Variants in EPM2A observed in about 807,000 individuals in gnomAD.
EPM2A encodes laforin.
A neutral mutation model predicts 26.5 loss-of-function variants in EPM2A; 21 were observed. The ratio of observed to expected loss-of-function variants is 0.79; its 90% CI spans 0.56 to 1.14. The LOEUF (loss-of-function observed/expected upper bound fraction) is 1.14. EPM2A is among the 50% of genes most tolerant of loss of function. The pLI is 0.00. For synonymous variants in EPM2A, 217 were observed against 177.6 expected (o/e 1.22, Z -1.76); for missense variants, 458 against 440.8 (o/e 1.04, Z -0.35).
At chr6:145,440,017 T>C (rs767623896) in intron 4 of EPM2A, among the ~76,000 whole-genome samples, 18 of 152,244 alleles carry the variant, frequency 1.2e-4, no homozygotes, top group Non-Finnish European at 1.8e-4. Context: ...GGGTCCAGTT[T>C]CAGTCTTCTG....
At chr6:145,629,359 G>A (rs1363433315) in intron 3 of EPM2A, 3 of 152,156 alleles carry the variant, frequency 2.0e-5, no homozygotes, top group East Asian at 1.9e-4. Flanking sequence ...CTGATTCCAC[G>A]GCACCGTGAG....
intron 4 of EPM2A, among the ~76,000 whole-genome samples, chr6:145,399,845 T>C (rs550959636): frequency 1.3e-5 from 2 of 152,348 alleles, no homozygotes; most frequent in African/African-American, 4.8e-5. Flanking sequence ...ATAATCTTTT[T>C]GGCTATCTCC....
At chr6:145,511,174 T>C (rs1345234452) in intron 2 of EPM2A, among the ~76,000 whole-genome samples, 1 of 149,212 alleles carries the variant, frequency 6.7e-6, no homozygotes, top group African/African-American at 2.5e-5. Context: ...CACAGCTAAA[T>C]TCCACCAGAT....
At chr6:145,593,910 T>A (rs1781306974) in intron 2 of EPM2A, among the ~76,000 whole-genome samples, 1 of 151,364 alleles carries the variant, frequency 6.6e-6, no homozygotes, top group Non-Finnish European at 1.5e-5. Context: ...ATGGAAATAA[T>A]ACAAACTAAA....
intron 1 of EPM2A, among the ~76,000 whole-genome samples, chr6:145,702,725 T>C (rs563604223): frequency 1.3e-5 from 2 of 152,306 alleles, no homozygotes; most frequent in Admixed American, 6.5e-5. Flanking sequence ...TGTTCAGACC[T>C]ATATGTATCA....
chr6:145,726,568 A>C (rs985781951), intron 1 of EPM2A, among the ~76,000 whole-genome samples: 8 of 152,152 alleles, frequency 5.3e-5, no homozygotes, highest in Admixed American at 3.3e-4. Flanking sequence ...CACAAACGGT[A>C]GTAAGTCATG....
At chr6:145,549,343 A>G (rs1417644412) in intron 2 of EPM2A, among the ~76,000 whole-genome samples, 1 of 152,172 alleles carries the variant, frequency 6.6e-6, no homozygotes, top group African/African-American at 2.4e-5. Context: ...ATAAAGCAAT[A>G]TAATTCTGTT....
intron 2 of EPM2A, among the ~76,000 whole-genome samples, chr6:145,560,304 A>G (rs1780787365): frequency 6.6e-6 from 1 of 152,170 alleles, no homozygotes; most frequent in Non-Finnish European, 1.5e-5. Flanking sequence ...GTCTCATAGC[A>G]TATGAGTCAT....
At chr6:145,481,396 G>T (rs934187264) in intron 4 of EPM2A, among the ~76,000 whole-genome samples, 14 of 151,986 alleles carry the variant, frequency 9.2e-5, no homozygotes, top group Non-Finnish European at 4.4e-5. Context: ...CAAAATGATC[G>T]GTTTCTAAAT....
chr6:145,542,738 G>GT (rs1238901972), intron 2 of EPM2A, among the ~76,000 whole-genome samples: 3 of 151,866 alleles, frequency 2.0e-5, no homozygotes, highest in African/African-American at 4.8e-5. Context: ...GCTTCCTTCT[G>GT]TTTTTTTCTG....
In EPM2A at chr6:145,627,264, T is replaced by A; in HGVS notation, c.*152A>T. On this transcript the variant is annotated 3_prime_UTR_variant, in exon 4 of 4. Coordinates refer to ENST00000367519, the MANE Select transcript of EPM2A (RefSeq NM_005670.4). ...AAAAATACAGCCCCAAAACAAAGCATAATCGAAAGTCATCCCAGGTGAAAG... is the reference window on the plus strand; with the variant it reads ...AAAAATACAGCCCCAAAACAAAGCAAAATCGAAAGTCATCCCAGGTGAAAG... The A allele has an allele frequency of 6.5e-7, 1 of 1,544,446 alleles. No homozygotes were observed. The highest frequency in any genetic ancestry group is 8.6e-7 in the Non-Finnish European group (1 of 1,157,316).
At position 145,627,320 on chromosome 6, in the gene EPM2A, T is replaced by C. The variant is rs1775881940; in HGVS notation, c.*96A>G. On this transcript the variant is annotated 3_prime_UTR_variant, in exon 4 of 4. Transcript: ENST00000367519. ...GGCTTGGGGGAGGTCACACAGTCCT[T>C]TCAGTTCAGGTAGAATCCTTGTTTC... The C allele has an allele frequency of 1.6e-5, 25 of 1,600,460 alleles. No homozygotes were observed. The highest frequency in any genetic ancestry group is 2.1e-5 in the Non-Finnish European group (25 of 1,178,812).
In EPM2A at chr6:145,494,871, G is replaced by GT. The variant is rs780631234; in HGVS notation, c.555+7650dup. 3.9e-5 allele frequency among the ~76,000 whole-genome samples: 6 copies of GT among 152,086 alleles called. No individual in the cohort carries two copies. The South Asian group carries it at 1.0e-3, about 26-fold the overall frequency. The stretch of plus-strand genomic sequence containing the variant: ...AGAGACTGTTTGTTTTGATTTCAGT[G>GT]TTTTTTTCTGCATTTGCTGAGAAGT... On this transcript the variant is annotated intron_variant, in intron 4 of 4. Coordinates refer to the EPM2A transcript ENST00000638717.
intron 4 of EPM2A, among the ~76,000 whole-genome samples, chr6:145,435,070 C>T (rs1778972478): frequency 6.6e-6 from 1 of 152,150 alleles, no homozygotes; most frequent in Non-Finnish European, 1.5e-5. Flanking sequence ...CCTCAGAAGC[C>T]AGGCCGATAC....
At position 145,704,523 on chromosome 6, in the gene EPM2A, T is replaced by C. The variant is rs190326725; in HGVS notation, c.302-18227A>G. On this transcript the variant is annotated intron_variant, in intron 1 of 3. Transcript: ENST00000367519. ...TTCTCAAAAAATCCAGTGGGACAGATAGCGGAAGTGTTAGTACATCTTTTC... is the reference window on the plus strand; with the variant it reads ...TTCTCAAAAAATCCAGTGGGACAGACAGCGGAAGTGTTAGTACATCTTTTC... Among the ~76,000 whole-genome samples the C allele has an allele frequency of 7.2e-5, 11 of 152,332 alleles. No homozygotes were observed. The East Asian group carries it at 2.1e-3, about 29-fold the overall frequency.
At chr6:145,433,986 T>C (rs771679712) in intron 4 of EPM2A, among the ~76,000 whole-genome samples, 8 of 152,134 alleles carry the variant, frequency 5.3e-5, no homozygotes, top group Non-Finnish European at 1.0e-4. Flanking sequence ...GTATTTGTTA[T>C]TGCATCTCTT....
chr6:145,628,772 G>A (rs1485433825), intron 3 of EPM2A: 5 of 152,196 alleles, frequency 3.3e-5, no homozygotes, highest in Non-Finnish European at 5.9e-5. Flanking sequence ...CCCCTCCCTC[G>A]AAAGATTTCA....
At chr6:145,549,737 C>A (rs143378932) in intron 2 of EPM2A, among the ~76,000 whole-genome samples, 28 of 152,214 alleles carry the variant, frequency 1.8e-4, no homozygotes, top group African/African-American at 5.8e-4. Context: ...GAGCCGACTA[C>A]CTTCCCTAGC....
chr6:145,405,981 TACACACAC>T (rs56700058), intron 4 of EPM2A, among the ~76,000 whole-genome samples: 16 of 146,608 alleles, frequency 1.1e-4, no homozygotes, highest in South Asian at 8.7e-4. Flanking sequence ...TGGAGATACC[TACACACAC>T]ACACACACAC....
Sources: allele counts gnomAD v4.1 joint callset (sites outside exome capture counted in the v4.1 genomes callset), GRCh38; gene constraint gnomAD v4.1.1; transcripts MANE v1.5; gene names NCBI Gene and HGNC (gene_info 2026-07-23, HGNC 2026-07-21).